The following MUC5AC variants were observed in gnomAD, a reference collection of about 807,000 sequenced individuals.
MUC5AC encodes the protein mucin-5AC.
MUC5AC carries 158 observed loss-of-function variants against 169.7 expected under a neutral mutation model. The observed-to-expected ratio is 0.93, with a 90% CI of 0.82 to 1.06. MUC5AC has a LOEUF of 1.06. Ranked by LOEUF, MUC5AC falls within the 50% of genes least tolerant of loss-of-function variation. The pLI is 0.00. For missense variants in MUC5AC, 4,359 were observed against 3,089.9 expected (o/e 1.41, Z -9.74); for synonymous variants, 1,975 against 1,237.0 (o/e 1.60, Z -12.52).
At chr11:1,195,425 T>G (rs1590152597) in intron 36 of MUC5AC, 146 bp downstream of exon 36, 4 of 409,948 alleles carry the variant, frequency 9.8e-6, no homozygotes, top group Admixed American at 3.3e-5. Context: ...GAGGGGTGGG[T>G]GTTGGGGAGA....
At chr11:1,175,742 C>A (rs1435258069) in intron 19 of MUC5AC, among the ~76,000 whole-genome samples, 2 of 119,350 alleles carry the variant, frequency 1.7e-5, no homozygotes, top group Non-Finnish European at 1.8e-5. Context: ...GCACACACAC[C>A]GTCATGCACC....
rs751325319 is a variant in MUC5AC at position 1,192,466 on chromosome 11, C to T, written c.14321C>T (p.Ser4774Phe). The change falls in exon 31 of 49, where the codon TCT becomes TTT. Residue 4774 changes from serine to phenylalanine, a missense_variant. Coordinates refer to ENST00000621226, the MANE Select transcript of MUC5AC (RefSeq NM_001304359.2). ...SVASSSVASS[S>F]VAYSTQTCFC... ...GCATCCAGCTCTGTGGCATCCAGCT[C>T]TGTGGCTTACTCCACCCAAACCTGC... 3.9e-6 allele frequency: 3 copies of T among 765,022 alleles called. No individual in the cohort carries two copies. The highest frequency in any genetic ancestry group is 2.7e-5 in the South Asian group (2 of 74,634). 47.4% of individuals were successfully genotyped at this position (765,022 alleles called of 1,614,324 possible).
rs903388566 is a variant in MUC5AC, at chr11:1,162,904, T to C, written c.589-51T>C. 1.2e-5 allele frequency: 19 copies of C among 1,537,442 alleles called. No individual in the cohort carries two copies. The South Asian group carries it at 2.1e-4, about 17-fold the overall frequency. ...GGAAATCTCAGGCTCGAGCCTCATCTGTCCATCTGCCCCTGGTGGGGATGG... is the reference window on the plus strand; with the variant it reads ...GGAAATCTCAGGCTCGAGCCTCATCCGTCCATCTGCCCCTGGTGGGGATGG... On this transcript the variant is annotated intron_variant, in intron 5 of 48. Transcript: ENST00000621226.
At chr11:1,193,323 C>T (rs1013266772) in intron 32 of MUC5AC, among the ~76,000 whole-genome samples, 162 bp from the exon 33 acceptor site, 1 of 152,118 alleles carries the variant, frequency 6.6e-6, no homozygotes. Context: ...CGGGCCAGCT[C>T]GGTGTCTGGG....
In MUC5AC at chr11:1,184,627, C is replaced by A; in HGVS notation, c.6482C>A (p.Thr2161Asn). ...EKICRRPEEI[T>N]RLQCRAKSHP... The stretch of plus-strand genomic sequence containing the variant: ...ATCTGCCGCCGACCTGAGGAGATCA[C>A]CAGGCTCCAGTGCCGAGCCAAGAGC... Residue 2161 changes from threonine to asparagine, a missense_variant, in exon 31 of 49, where the codon ACC becomes AAC. Transcript: ENST00000621226. 1 of 637,564 alleles carries A rather than the reference C, an allele frequency of 1.6e-6. No homozygotes were observed. Among genetic ancestry groups the A allele is most frequent in the South Asian group, 1.8e-5 (1 of 56,210 alleles). The allele number at this position is 637,564 out of a possible 1,614,324, so 39.5% of individuals were successfully genotyped here.
intron 27 of MUC5AC, 42 bp from the exon 28 acceptor site, chr11:1,180,312 G>A (rs1229957391): frequency 4.3e-5 from 17 of 398,652 alleles, no homozygotes; most frequent in South Asian, 3.8e-4. Context: ...CGAGGTGGAC[G>A]ACACTCGGTC....
intron 36 of MUC5AC, 106 bp from the exon 37 acceptor site, chr11:1,195,763 GCTGCTCT>G: frequency 1.6e-6 from 1 of 623,654 alleles, no homozygotes; most frequent in Non-Finnish European, 2.9e-6. Context: ...CACACCAGTG[GCTGCTCT>G]GGGACTCGCC....
At position 1,191,278 on chromosome 11, in the gene MUC5AC, G is replaced by T; in HGVS notation, c.13133G>T (p.Ser4378Ile). Residue 4378 changes from serine to isoleucine, a missense_variant, in exon 31 of 49, where the codon AGC (serine) becomes ATC (isoleucine). Ser to Ile is a moderately radical substitution (Grantham distance 142). Coordinates refer to ENST00000621226, the MANE Select transcript of MUC5AC (RefSeq NM_001304359.2). ...ACCTCTGGTCCTGGAACTACTCCCA[G>T]CCCTGTTCCCACCACCAGCACAACC... is the stretch of plus-strand genomic sequence containing the variant. ...STTSGPGTTP[S>I]PVPTTSTTSA... The T allele has an allele frequency of 1.4e-6, 1 of 737,054 alleles. No individual in the cohort carries two copies. Among genetic ancestry groups the T allele is most frequent in the Non-Finnish European group, 2.5e-6 (1 of 406,686 alleles). 45.7% of individuals were successfully genotyped at this position (737,054 alleles called of 1,614,324 possible).
At chr11:1,173,740 T>TCACTCACTCATC (rs1157146809) in intron 16 of MUC5AC, among the ~76,000 whole-genome samples, 19 of 145,072 alleles carry the variant, frequency 1.3e-4, no homozygotes, top group Non-Finnish European at 2.3e-4. Context: ...ATCCACTCAC[T>TCACTCACTCATC]CACTCACTCA....
At position 1,193,568 on chromosome 11, in the gene MUC5AC, C is replaced by T. The variant is rs767037710; in HGVS notation, c.14664C>T (p.Cys4888=). 5 of 764,706 alleles carry T rather than the reference C, an allele frequency of 6.5e-6. No homozygotes were observed. The African/African-American group carries it at 6.8e-5, about 10-fold the overall frequency. 47.4% of individuals were successfully genotyped at this position (764,706 alleles called of 1,614,324 possible). A position where few individuals can be genotyped will look rare whatever the true frequency, so the allele number is the denominator to read the frequency against. The change falls in exon 33 of 49, where the codon TGC becomes TGT. Residue 4888 remains cysteine, a synonymous_variant. Transcript: ENST00000621226. ...NNVISLRPRT[C]PRVEKPTCAN... is the part of the protein sequence containing the mutation. ...TCATCTCCCTGCGCCCGCGCACGTG[C>T]CCGAGGGTGGAGAAGCCCACTTGTG...
At chr11:1,192,566 C>G (rs373289385) in intron 31 of MUC5AC, 41 bp downstream of exon 31, 51 of 754,130 alleles carry the variant, frequency 6.8e-5, no homozygotes, top group East Asian at 4.9e-5. Flanking sequence ...TGAGCTCACC[C>G]TGGTCAGTTT....
chr11:1,180,555 T>C (rs1860793361), intron 28 of MUC5AC, 39 bp downstream of exon 28: 1 of 398,644 alleles, frequency 2.5e-6, no homozygotes, highest in Non-Finnish European at 4.4e-6. Context: ...GCCTGCAGCA[T>C]GCAGGGGAAT....
At chr11:1,168,378 C>T in intron 12 of MUC5AC, 105 bp from the exon 13 acceptor site, 3 of 1,112,704 alleles carry the variant, frequency 2.7e-6, no homozygotes, top group Admixed American at 4.0e-5. Flanking sequence ...GCCGCAGCTG[C>T]AGGGAAAGGC....
At chr11:1,164,077 A>G (rs535507026) in intron 7 of MUC5AC, 29 bp from the exon 8 acceptor site, 1 of 1,610,498 alleles carries the variant, frequency 6.2e-7, no homozygotes, top group East Asian at 2.2e-5. Flanking sequence ...CCCACCGAGG[A>G]CTCAGACGGG....
chr11:1,173,996 C>T (rs1754801699), intron 16 of MUC5AC, among the ~76,000 whole-genome samples: 1 of 152,134 alleles, frequency 6.6e-6, no homozygotes, highest in African/African-American at 2.4e-5. Flanking sequence ...TTCACCTACT[C>T]ATTCACTCAC....
Position 1,184,235 on chromosome 11 carries a change from C to A in MUC5AC, c.6090C>A (p.Leu2030=). 2.4e-6 allele frequency: 1 copy of A among 408,652 alleles called. No homozygotes were observed. The allele number at this position is 408,652 out of a possible 1,614,324, so 25.3% of individuals were successfully genotyped here. A position where few individuals can be genotyped will look rare whatever the true frequency, so the allele number is the denominator to read the frequency against. ...EGLICLNKNQ[L]PPICYNYEIR... ...TGATTTGCCTGAACAAGAACCAGCTCCCACCCATCTGCTACAACTATGAGA... is the reference window on the plus strand; with the variant it reads ...TGATTTGCCTGAACAAGAACCAGCTACCACCCATCTGCTACAACTATGAGA... Residue 2030 remains leucine (L), a synonymous_variant, in exon 31 of 49, where the codon CTC becomes CTA. Transcript: ENST00000621226.
In MUC5AC at chr11:1,165,369, C is replaced by T. The variant is rs554285235; in HGVS notation, c.1197C>T (p.Asn399=). ...TGTCAAAGTGTGCCTGCGTCTACAA[C>T]GGGGCTGCCTATGCCCCAGGGGCCA... ...VPVSKCACVY[N]GAAYAPGATY... Residue 399 remains asparagine, a synonymous_variant, in exon 10 of 49, where the codon AAC becomes AAT. Coordinates refer to ENST00000621226, the MANE Select transcript of MUC5AC (RefSeq NM_001304359.2). The T allele has an allele frequency of 2.1e-5, 34 of 1,612,456 alleles. No individual in the cohort carries two copies. The highest frequency in any genetic ancestry group is 1.3e-4 in the South Asian group (12 of 91,072).
chr11:1,165,582 C>T (rs1233080677), intron 10 of MUC5AC, 40 bp from the exon 11 acceptor site: 2 of 1,608,390 alleles, frequency 1.2e-6, no homozygotes, highest in Non-Finnish European at 1.7e-6. Flanking sequence ...GGCTGGTCTC[C>T]TGGGGCCGGC....
At chr11:1,163,129 C>T (rs1860193554) in intron 6 of MUC5AC, 84 bp downstream of exon 6, 10 of 1,283,048 alleles carry the variant, frequency 7.8e-6, no homozygotes, top group Admixed American at 6.8e-5. Flanking sequence ...TCTGACACTC[C>T]GGGCACACAC....
Sources: allele counts gnomAD v4.1 joint callset (sites outside exome capture counted in the v4.1 genomes callset), GRCh38; gene constraint gnomAD v4.1.1; transcripts MANE v1.5; gene names NCBI Gene and HGNC (gene_info 2026-07-23, HGNC 2026-07-21).